QPCT: variants seen among roughly 807,000 people sequenced by gnomAD.
The protein encoded by QPCT is glutaminyl-peptide cyclotransferase.
Under a neutral mutation model 43.4 loss-of-function variants are expected in QPCT, and 44 were observed. That is an observed-to-expected ratio of 1.01 (90% CI 0.80 to 1.30). The LOEUF (loss-of-function observed/expected upper bound fraction) is 1.30. Ranked by LOEUF, QPCT falls within the 50% of genes most tolerant of loss-of-function variation. The pLI, the probability that QPCT is intolerant of heterozygous loss-of-function variation, is 0.00. For missense variants in QPCT, 526 were observed against 436.5 expected, an observed-to-expected ratio of 1.21 and a Z score of -1.83; for synonymous variants, 168 against 168.4, an observed-to-expected ratio of 1.00 and a Z score of 0.02.
chr2:37,354,479 T>C (rs957867677), intron 2 of QPCT, among the ~76,000 whole-genome samples: 1 of 152,198 alleles, frequency 6.6e-6, no homozygotes, highest in Non-Finnish European at 1.5e-5. Flanking sequence ...ATATTAGGAA[T>C]TTAAAAAGAT....
At chr2:37,345,524 A>C (rs946754682) in intron 1 of QPCT, among the ~76,000 whole-genome samples, 1 of 152,228 alleles carries the variant, frequency 6.6e-6, no homozygotes, top group African/African-American at 2.4e-5. Flanking sequence ...AGTGATTTGC[A>C]AGTTCCCTCT....
chr2:37,351,025 C>A (rs1672608806), intron 1 of QPCT, among the ~76,000 whole-genome samples: 1 of 152,154 alleles, frequency 6.6e-6, no homozygotes, highest in Non-Finnish European at 1.5e-5. Flanking sequence ...ATAGCCCATG[C>A]TCTTTGCATG....
At chr2:37,347,168 T>TATAG (rs1672511744) in intron 1 of QPCT, among the ~76,000 whole-genome samples, 1 of 52,824 alleles carries the variant, frequency 1.9e-5, no homozygotes, top group Non-Finnish European at 3.1e-5. Context: ...ATATATAACA[T>TATAG]ATATATATAT....
At chr2:37,370,277 ATTC>A (rs1486287822) in intron 5 of QPCT, among the ~76,000 whole-genome samples, 1 of 152,148 alleles carries the variant, frequency 6.6e-6, no homozygotes, top group Non-Finnish European at 1.5e-5. Context: ...TTAGTTTATT[ATTC>A]TTTTCATCTT....
At chr2:37,357,638 T>C (rs1412604800) in intron 2 of QPCT, among the ~76,000 whole-genome samples, 1 of 152,194 alleles carries the variant, frequency 6.6e-6, no homozygotes, top group Non-Finnish European at 1.5e-5. Context: ...GCATGCACAA[T>C]GCTATTTAGG....
chr2:37,364,087 A>T (rs922148676), intron 3 of QPCT, among the ~76,000 whole-genome samples: 1 of 152,210 alleles, frequency 6.6e-6, no homozygotes, highest in African/African-American at 2.4e-5. Flanking sequence ...ATTATGCCTT[A>T]AATATTTTAA....
chr2:37,368,271 C>T (rs2124942264), intron 4 of QPCT: 1 of 250,338 alleles, frequency 4.0e-6, no homozygotes, highest in African/African-American at 2.3e-5. Flanking sequence ...CACACAGCCT[C>T]ATTTTCATCC....
intron 1 of QPCT, among the ~76,000 whole-genome samples, chr2:37,346,581 A>C (rs1419946191): frequency 6.6e-6 from 1 of 152,236 alleles, no homozygotes; most frequent in African/African-American, 2.4e-5. Flanking sequence ...ATTTTAAACC[A>C]ATGAGAATTT....
At chr2:37,368,486 G>A in intron 4 of QPCT, 1 of 420,494 alleles carries the variant, frequency 2.4e-6, no homozygotes, top group Non-Finnish European at 4.9e-6. Context: ...TGAACTGATA[G>A]CTTATTCCCA....
chr2:37,367,189 T>C, intron 3 of QPCT, 43 bp from the exon 4 acceptor site: 1 of 1,547,192 alleles, frequency 6.5e-7, no homozygotes, highest in Non-Finnish European at 8.8e-7. Flanking sequence ...TTTTTCATCA[T>C]CACAGTATTT....
At chr2:37,347,957 C>A (rs796299796) in intron 1 of QPCT, among the ~76,000 whole-genome samples, 28 of 152,138 alleles carry the variant, frequency 1.8e-4, no homozygotes, top group African/African-American at 6.5e-4. Flanking sequence ...CAGAAAAATA[C>A]ACTAAAAAGA....
chr2:37,365,871 G>C (rs1672949066), intron 3 of QPCT, among the ~76,000 whole-genome samples: 1 of 152,212 alleles, frequency 6.6e-6, no homozygotes, highest in South Asian at 2.1e-4. Context: ...TGACTTGCCA[G>C]TCAACATGAA....
chr2:37,352,458 G>C (rs1333900236), intron 1 of QPCT, among the ~76,000 whole-genome samples: 1 of 152,128 alleles, frequency 6.6e-6, no homozygotes. Context: ...TAAGTAGCTA[G>C]AACAACGGGC....
intron 1 of QPCT, among the ~76,000 whole-genome samples, chr2:37,347,835 C>A (rs1033461082): frequency 2.0e-5 from 3 of 152,076 alleles, no homozygotes; most frequent in African/African-American, 7.2e-5. Context: ...CTTTTGAGGG[C>A]TTTATATGCT....
rs568593846 is a variant in QPCT, at chr2:37,363,029, C to T, written c.546+3171C>T. Among the ~76,000 whole-genome samples the T allele has an allele frequency of 1.9e-3, 290 of 152,294 alleles. 2 individuals carry two copies. Among genetic ancestry groups the T allele is most frequent in the South Asian group, 3.5e-3 (17 of 4,824 alleles). ...TGACAGTGGGGCACCCCATGGAAAT[C>T]GGGGAGATTAGGCGAAAGCCTACAC... On this transcript the variant is annotated intron_variant, in intron 3 of 6. Transcript: ENST00000338415.
intron 3 of QPCT, among the ~76,000 whole-genome samples, chr2:37,361,982 T>C (rs1156463787): frequency 6.6e-6 from 1 of 152,224 alleles, no homozygotes; most frequent in East Asian, 1.9e-4. Flanking sequence ...TTTTCTGCCA[T>C]TCCTGAAATG....
intron 2 of QPCT, among the ~76,000 whole-genome samples, chr2:37,357,005 CAAAA>C (rs1290865213): frequency 1.1e-5 from 1 of 90,688 alleles, no homozygotes. Flanking sequence ...GACTCCGTCT[CAAAA>C]AAAAAAAAAA....
chr2:37,355,515 G>A lies in QPCT; in HGVS notation c.267+2580G>A, dbSNP rs951660378. ...AAAAGGGTAAACTTGATATAAAATT[G>A]GTTTGTGAATTAACTTTTGTAGTTA... On this transcript the variant is annotated intron_variant, in intron 2 of 6. Transcript: ENST00000338415. Among the ~76,000 whole-genome samples the A allele has an allele frequency of 2.6e-5, 4 of 151,906 alleles. No individual in the cohort carries two copies. In the East Asian group the frequency reaches 5.8e-4, roughly 22 times the overall value.
intron 1 of QPCT, among the ~76,000 whole-genome samples, chr2:37,349,045 T>C (rs902057096): frequency 2.6e-5 from 4 of 152,204 alleles, no homozygotes; most frequent in Admixed American, 2.6e-4. Flanking sequence ...TGCATGCTAT[T>C]TAGGTTGGGA....
Sources: gnomAD v4.1 joint callset for allele counts (sites outside exome capture counted in the v4.1 genomes callset) on GRCh38, gnomAD v4.1.1 for gene constraint, MANE v1.5 for transcripts, NCBI Gene and HGNC (gene_info 2026-07-23, HGNC 2026-07-21) for gene names.